The following PACRG variants were observed in gnomAD, a reference collection of about 807,000 sequenced individuals.
The protein encoded by PACRG is parkin coregulated gene protein.
PACRG carries 29 observed loss-of-function variants against 29.7 expected under a neutral mutation model. The observed-to-expected ratio is 0.98, with a 90% CI of 0.73 to 1.33. The LOEUF is 1.33. Ranked by LOEUF, PACRG falls within the 40% of genes most tolerant of loss-of-function variation. PACRG has a pLI of 0.00. For synonymous variants in PACRG, 116 were observed against 118.7 expected (o/e 0.98, Z 0.15); for missense variants, 279 against 316.2 (o/e 0.88, Z 0.89).
At chr6:162,834,087 A>C (rs1002326263) in intron 2 of PACRG, among the ~76,000 whole-genome samples, 2 of 152,168 alleles carry the variant, frequency 1.3e-5, no homozygotes, top group Middle Eastern at 3.2e-3. Context: ...AATGAATTTC[A>C]TAAGAGATTT....
chr6:162,928,489 C>A (rs1017278257), intron 2 of PACRG, among the ~76,000 whole-genome samples: 6 of 151,666 alleles, frequency 4.0e-5, no homozygotes, highest in African/African-American at 1.5e-4. Context: ...TGTATTGATA[C>A]ATAATAGATT....
intron 1 of PACRG, among the ~76,000 whole-genome samples, chr6:162,735,675 C>G (rs189034984): frequency 1.5e-3 from 228 of 152,252 alleles, no homozygotes; most frequent in Middle Eastern, 3.4e-3. Context: ...TGTATTGCAA[C>G]TACAGTTACC....
At chr6:163,066,783 C>A (rs1241020513) in intron 3 of PACRG, among the ~76,000 whole-genome samples, 1 of 151,946 alleles carries the variant, frequency 6.6e-6, no homozygotes, top group Non-Finnish European at 1.5e-5. Flanking sequence ...CTCTAAAAAA[C>A]AAAATAATAC....
At chr6:163,119,036 T>C (rs1319807558) in intron 4 of PACRG, among the ~76,000 whole-genome samples, 1 of 152,252 alleles carries the variant, frequency 6.6e-6, no homozygotes, top group Non-Finnish European at 1.5e-5. Flanking sequence ...GAGTGGACTC[T>C]GCTTAACCAA....
At chr6:162,825,241 T>C (rs1255264497) in intron 2 of PACRG, among the ~76,000 whole-genome samples, 1 of 152,206 alleles carries the variant, frequency 6.6e-6, no homozygotes, top group East Asian at 1.9e-4. Context: ...AAAAAAATTA[T>C]GTTTTTACCT....
intron 1 of PACRG, among the ~76,000 whole-genome samples, chr6:162,770,393 A>G (rs1005730346): frequency 2.0e-5 from 3 of 152,144 alleles, no homozygotes; most frequent in East Asian, 3.9e-4. Context: ...GATAAAAGTT[A>G]TATCAGCTCC....
chr6:162,963,956 T>C (rs988220389), intron 2 of PACRG, among the ~76,000 whole-genome samples: 1 of 152,214 alleles, frequency 6.6e-6, no homozygotes, highest in Non-Finnish European at 1.5e-5. Flanking sequence ...GACTCTTGCC[T>C]AATACATCTT....
intron 4 of PACRG, among the ~76,000 whole-genome samples, chr6:163,102,429 A>C (rs542413893): frequency 6.6e-6 from 1 of 152,330 alleles, no homozygotes; most frequent in African/African-American, 2.4e-5. Flanking sequence ...ACCCTCCTGC[A>C]GAAGAGTAGG....
intron 4 of PACRG, among the ~76,000 whole-genome samples, chr6:163,279,765 T>C (rs1784167134): frequency 6.6e-6 from 1 of 152,246 alleles, no homozygotes; most frequent in Admixed American, 6.5e-5. Context: ...ATCAATGCTA[T>C]GCTGGCTTTT....
chr6:162,857,360 T>C (rs1353175945), intron 2 of PACRG, among the ~76,000 whole-genome samples: 2 of 152,194 alleles, frequency 1.3e-5, no homozygotes, highest in African/African-American at 4.8e-5. Context: ...TTTTAGCAAA[T>C]AGAATCCAGA....
chr6:163,162,416 C>T (rs1314988825), intron 4 of PACRG, among the ~76,000 whole-genome samples: 1 of 152,220 alleles, frequency 6.6e-6, no homozygotes, highest in Non-Finnish European at 1.5e-5. Flanking sequence ...TGTGCAATAA[C>T]CCCAATCCCC....
At chr6:163,179,375 C>T (rs1382188219) in intron 4 of PACRG, 2 of 294,008 alleles carry the variant, frequency 6.8e-6, no homozygotes, top group Non-Finnish European at 1.4e-5. Flanking sequence ...TCAACCTACT[C>T]ATTTGGTGTT....
At chr6:163,082,382 G>A (rs887727346) in intron 3 of PACRG, among the ~76,000 whole-genome samples, 6 of 152,074 alleles carry the variant, frequency 3.9e-5, no homozygotes, top group African/African-American at 1.2e-4. Flanking sequence ...TTATCTTAAA[G>A]TTTGTCTCAA....
chr6:163,151,199 T>G (rs1278061254), intron 4 of PACRG, among the ~76,000 whole-genome samples: 1 of 152,250 alleles, frequency 6.6e-6, no homozygotes, highest in Non-Finnish European at 1.5e-5. Flanking sequence ...AGCTGAAATC[T>G]CACCATTGTA....
intron 2 of PACRG, among the ~76,000 whole-genome samples, chr6:162,906,977 G>A (rs1210276803): frequency 2.0e-5 from 3 of 152,162 alleles, no homozygotes; most frequent in African/African-American, 7.2e-5. Flanking sequence ...TCAAATGTGG[G>A]CTTCATCAGT....
intron 2 of PACRG, among the ~76,000 whole-genome samples, chr6:162,936,671 A>G (rs1248340152): frequency 1.3e-5 from 2 of 152,136 alleles, no homozygotes; most frequent in African/African-American, 4.8e-5. Context: ...TTAATATTAT[A>G]TATTGCTTTG....
At chr6:163,059,475 T>C (rs1434123335) in intron 2 of PACRG, among the ~76,000 whole-genome samples, 3 of 152,196 alleles carry the variant, frequency 2.0e-5, no homozygotes, top group African/African-American at 4.8e-5. Flanking sequence ...GTTATAGCAA[T>C]AATAATATTA....
intron 2 of PACRG, among the ~76,000 whole-genome samples, chr6:162,859,664 C>T (rs1383736868): frequency 1.3e-5 from 2 of 152,170 alleles, no homozygotes; most frequent in African/African-American, 4.8e-5. Context: ...TGAAGACCCT[C>T]AAGTGATAGG....
chr6:163,135,760 G>A (rs1308189922), intron 4 of PACRG, among the ~76,000 whole-genome samples: 1 of 152,186 alleles, frequency 6.6e-6, no homozygotes, highest in Non-Finnish European at 1.5e-5. Flanking sequence ...CAAGCCCAGA[G>A]GCAGTGTGTG....
Sources: allele counts gnomAD v4.1 joint callset (sites outside exome capture counted in the v4.1 genomes callset), GRCh38; gene constraint gnomAD v4.1.1; transcripts MANE v1.5; gene names NCBI Gene and HGNC (gene_info 2026-07-23, HGNC 2026-07-21).